Variants in GRIK2 observed in about 807,000 individuals in gnomAD.
The protein encoded by GRIK2 is glutamate ionotropic receptor kainate type subunit 2.
A neutral mutation model predicts 100.3 loss-of-function variants in GRIK2; 32 were observed. That is an observed-to-expected ratio of 0.32 (90% CI 0.24 to 0.43). GRIK2 has a LOEUF of 0.43. Among genes scored for constraint, GRIK2 ranks in the 20% least tolerant of loss-of-function variants. GRIK2 has a pLI of 1.00. For missense variants in GRIK2, 843 were observed against 1,114.9 expected (o/e 0.76, Z 3.47); for synonymous variants, 417 against 389.4 (o/e 1.07, Z -0.83).
At chr6:101,507,151 T>C (rs1774065570) in intron 2 of GRIK2, among the ~76,000 whole-genome samples, 1 of 152,122 alleles carries the variant, frequency 6.6e-6, no homozygotes, top group Admixed American at 6.5e-5. Context: ...ACACTCCTCA[T>C]AGAACCTCCT....
intron 2 of GRIK2, among the ~76,000 whole-genome samples, chr6:101,423,380 T>C (rs561893886): frequency 8.3e-4 from 127 of 152,314 alleles, no homozygotes; most frequent in South Asian, 3.3e-3. Flanking sequence ...CCTCGTGTTT[T>C]CCATAGCAAC....
At chr6:101,884,422 A>T (rs1305460904) in intron 11 of GRIK2, among the ~76,000 whole-genome samples, 1 of 152,162 alleles carries the variant, frequency 6.6e-6, no homozygotes, top group Non-Finnish European at 1.5e-5. Context: ...GAGATCATGT[A>T]TTATAAAAAT....
chr6:101,553,661 C>G (rs992754126), intron 2 of GRIK2, among the ~76,000 whole-genome samples: 3 of 152,054 alleles, frequency 2.0e-5, no homozygotes, highest in Non-Finnish European at 4.4e-5. Flanking sequence ...AGGCCAAGGT[C>G]AAAGTTTCCT....
intron 14 of GRIK2, among the ~76,000 whole-genome samples, chr6:102,029,605 T>C (rs1769880271): frequency 6.6e-6 from 1 of 151,258 alleles, no homozygotes; most frequent in Non-Finnish European, 1.5e-5. Context: ...TAGCTAAGTC[T>C]TCTTATTTTC....
intron 2 of GRIK2, among the ~76,000 whole-genome samples, chr6:101,413,973 A>T (rs1775996416): frequency 6.6e-6 from 1 of 152,192 alleles, no homozygotes; most frequent in African/African-American, 2.4e-5. Context: ...CAAATGTTTA[A>T]CTGCTTACCC....
chr6:101,826,872 T>C (rs1274131075), intron 10 of GRIK2, among the ~76,000 whole-genome samples: 1 of 152,008 alleles, frequency 6.6e-6, no homozygotes, highest in Non-Finnish European at 1.5e-5. Context: ...CTGACATCAG[T>C]AAATTCCTTT....
intron 1 of GRIK2, among the ~76,000 whole-genome samples, chr6:101,397,533 C>T (rs1295513297): frequency 1.3e-5 from 2 of 152,084 alleles, no homozygotes; most frequent in Admixed American, 1.3e-4. Flanking sequence ...GCAGTTATTG[C>T]CTCCATCTTA....
At chr6:102,052,936 C>T (rs751224280) in intron 15 of GRIK2, among the ~76,000 whole-genome samples, 20 of 152,002 alleles carry the variant, frequency 1.3e-4, no homozygotes, top group African/African-American at 2.2e-4. Flanking sequence ...GATGAGGTGG[C>T]GGGCACCTGT....
At chr6:101,762,546 C>T (rs1420118739) in intron 7 of GRIK2, among the ~76,000 whole-genome samples, 2 of 151,922 alleles carry the variant, frequency 1.3e-5, no homozygotes, top group African/African-American at 2.4e-5. Context: ...TTCTTTCTTT[C>T]TTTTTTAAAA....
At chr6:101,982,000 A>G (rs1793739816) in intron 14 of GRIK2, among the ~76,000 whole-genome samples, 1 of 151,898 alleles carries the variant, frequency 6.6e-6, no homozygotes, top group African/African-American at 2.4e-5. Context: ...TATAGAAAAT[A>G]TAAAAAACAA....
chr6:102,026,111 CAT>C (rs6149730), intron 14 of GRIK2, among the ~76,000 whole-genome samples: 4,963 of 98,306 alleles, frequency 0.05, 40 homozygotes, highest in African/African-American at 0.064. Context: ...TATACACTTA[CAT>C]ATATATATAT....
chr6:101,436,328 G>T (rs1191160065), intron 2 of GRIK2, among the ~76,000 whole-genome samples: 2 of 151,828 alleles, frequency 1.3e-5, no homozygotes, highest in African/African-American at 2.4e-5. Context: ...AGTGATTCAG[G>T]ATAGTGCACA....
chr6:101,989,952 A>C, intron 14 of GRIK2, among the ~76,000 whole-genome samples: 1 of 151,786 alleles, frequency 6.6e-6, no homozygotes, highest in East Asian at 1.9e-4. Context: ...ACTTAATAGT[A>C]ATTTAGATTA....
chr6:101,538,876 C>G (rs1775851154), intron 2 of GRIK2, among the ~76,000 whole-genome samples: 1 of 151,582 alleles, frequency 6.6e-6, no homozygotes, highest in South Asian at 2.1e-4. Flanking sequence ...TATCCAGAGA[C>G]CTCCTTTGTC....
chr6:101,628,096 T>G (rs1228713621), intron 4 of GRIK2, among the ~76,000 whole-genome samples: 2 of 152,146 alleles, frequency 1.3e-5, no homozygotes, highest in Non-Finnish European at 2.9e-5. Context: ...ACATTGAGAT[T>G]GAATTTCATT....
intron 7 of GRIK2, among the ~76,000 whole-genome samples, chr6:101,698,595 A>G (rs1244905126): frequency 6.6e-6 from 1 of 152,242 alleles, no homozygotes. Flanking sequence ...TCGATCCTTC[A>G]TAAAAAACCT....
chr6:101,491,306 A>C (rs984586154), intron 2 of GRIK2, among the ~76,000 whole-genome samples: 1 of 151,772 alleles, frequency 6.6e-6, no homozygotes, highest in Non-Finnish European at 1.5e-5. Context: ...AAACAAACAA[A>C]AGAAACCTCA....
chr6:101,568,495 C>G (rs1217754578), intron 2 of GRIK2, among the ~76,000 whole-genome samples: 2 of 152,040 alleles, frequency 1.3e-5, no homozygotes, highest in East Asian at 3.8e-4. Flanking sequence ...ATCCCTTCTT[C>G]TGTTTATCTA....
intron 14 of GRIK2, among the ~76,000 whole-genome samples, chr6:101,973,153 G>T (rs1395493538): frequency 6.6e-6 from 1 of 151,744 alleles, no homozygotes; most frequent in African/African-American, 2.4e-5. Context: ...ACATAATAGG[G>T]CATAAAAACT....
Sources: allele counts gnomAD v4.1 joint callset (sites outside exome capture counted in the v4.1 genomes callset), GRCh38; gene constraint gnomAD v4.1.1; transcripts MANE v1.5; gene names NCBI Gene and HGNC (gene_info 2026-07-23, HGNC 2026-07-21).